C1QTNF9: variants seen among roughly 807,000 people sequenced by gnomAD.
C1QTNF9 encodes complement C1q and tumor necrosis factor-related protein 9A.
In C1QTNF9, 6 loss-of-function variants were observed where a neutral mutation model predicts 10.1. That is an observed-to-expected ratio of 0.59 (90% CI 0.32 to 1.17). C1QTNF9 has a LOEUF of 1.17. Ranked by LOEUF, C1QTNF9 falls within the 50% of genes most tolerant of loss-of-function variation. The pLI is 0.04. For synonymous variants in C1QTNF9, 98 were observed against 163.5 expected (o/e 0.60, Z 3.06); for missense variants, 201 against 418.8 (o/e 0.48, Z 4.54).
At chr13:24,311,882 A>C (rs561878799) in intron 1 of C1QTNF9, among the ~76,000 whole-genome samples, 31 of 152,242 alleles carry the variant, frequency 2.0e-4, no homozygotes, top group African/African-American at 7.5e-4. Flanking sequence ...ACCCCCCCAC[A>C]GGAAGCGGGA....
At chr13:24,313,034 G>A (rs1877895528) in intron 1 of C1QTNF9, among the ~76,000 whole-genome samples, 1 of 151,846 alleles carries the variant, frequency 6.6e-6, no homozygotes, top group South Asian at 2.1e-4. Flanking sequence ...TCAGAAGGCT[G>A]AGGCAGGAGG....
At chr13:24,314,522 A>G (rs1877955584) in intron 1 of C1QTNF9, among the ~76,000 whole-genome samples, 1 of 152,184 alleles carries the variant, frequency 6.6e-6, no homozygotes, top group Admixed American at 6.5e-5. Flanking sequence ...GTCTCTACTA[A>G]AAATACAAAA....
upstream of C1QTNF9, among the ~76,000 whole-genome samples, chr13:24,309,312 A>G (rs1465487600): frequency 2.3e-5 from 2 of 85,586 alleles, no homozygotes; most frequent in African/African-American, 5.0e-5. Context: ...TATATATGAA[A>G]GAAACCTGCC....
chr13:24,311,796 T>G (rs1032109953), intron 1 of C1QTNF9, among the ~76,000 whole-genome samples: 1 of 152,252 alleles, frequency 6.6e-6, no homozygotes, highest in Non-Finnish European at 1.5e-5. Flanking sequence ...TGGAGTCATC[T>G]GAGGCCAGGG....
At chr13:24,311,482 A>G (rs1340526343) in intron 1 of C1QTNF9, among the ~76,000 whole-genome samples, 2 of 152,222 alleles carry the variant, frequency 1.3e-5, no homozygotes, top group East Asian at 3.8e-4. Context: ...CATACATATG[A>G]TATCAATGTA....
exon 4 of C1QTNF9, chr13:24,322,049 A>G (rs982129579): frequency 4.4e-5 from 16 of 367,642 alleles, no homozygotes; most frequent in Middle Eastern, 7.8e-4. Flanking sequence ...AGAGTGTTTT[A>G]ATATCATTTT....
At chr13:24,316,295 C>A (rs1428554229) in intron 2 of C1QTNF9, 126 bp downstream of exon 2, 27 of 1,382,106 alleles carry the variant, frequency 2.0e-5, no homozygotes, top group Non-Finnish European at 2.7e-5. Flanking sequence ...ATACATCAAC[C>A]CAGCAACACT....
chr13:24,316,162 C>A (rs140529849), exon 2 of C1QTNF9: 1 of 1,599,068 alleles, frequency 6.3e-7, no homozygotes, highest in Non-Finnish European at 8.5e-7. Flanking sequence ...GTGACAAAGG[C>A]GATGCAGGTA....
chr13:24,316,515 G>T (rs1299030165), intron 2 of C1QTNF9, among the ~76,000 whole-genome samples: 1 of 152,192 alleles, frequency 6.6e-6, no homozygotes, highest in Non-Finnish European at 1.5e-5. Flanking sequence ...CAGGTGACAG[G>T]TATGATGGAT....
At chr13:24,317,712 GTTCA>G (rs1565956718) in intron 2 of C1QTNF9, among the ~76,000 whole-genome samples, 1 of 151,980 alleles carries the variant, frequency 6.6e-6, no homozygotes, top group South Asian at 2.1e-4. Flanking sequence ...TGGGGTCTGT[GTTCA>G]TGCTTTGTGA....
chr13:24,321,999 A>G (rs1344531561), exon 4 of C1QTNF9: 1 of 541,010 alleles, frequency 1.8e-6, no homozygotes, highest in African/African-American at 2.0e-5. Flanking sequence ...TCTTATTCCT[A>G]TTATCTGAAG....
rs111232315 is a variant in C1QTNF9 at position 24,321,790 on chromosome 13, G to C, written c.*22G>C. 2.1e-5 allele frequency: 32 copies of C among 1,529,668 alleles called. 1 individual carries two copies. In the Admixed American group the frequency reaches 5.8e-4, roughly 28 times the overall value. 94.8% of individuals were successfully genotyped at this position (1,529,668 alleles called of 1,614,324 possible). ...GTGACAGAGGAGAGTTTAAAAATCC[G>C]CCACACCATCCATCAGAATCAGCTT... On this transcript the variant is annotated 3_prime_UTR_variant, in exon 4 of 4. Coordinates refer to ENST00000332018, the Ensembl canonical transcript of C1QTNF9.
chr13:24,320,349 T>G (rs1379622197), intron 3 of C1QTNF9, among the ~76,000 whole-genome samples: 2 of 152,222 alleles, frequency 1.3e-5, no homozygotes, highest in Non-Finnish European at 2.9e-5. Context: ...TGTGTCCATG[T>G]GCACACACGT....
At chr13:24,307,446 C>T (rs1277222297), upstream of C1QTNF9, among the ~76,000 whole-genome samples, 1 of 152,254 alleles carries the variant, frequency 6.6e-6, no homozygotes, top group Non-Finnish European at 1.5e-5. Flanking sequence ...GCCCTGCTCA[C>T]TCGCCCTTTG....
chr13:24,312,760 T>C (rs567469925), intron 1 of C1QTNF9, among the ~76,000 whole-genome samples: 43 of 151,850 alleles, frequency 2.8e-4, no homozygotes, highest in Non-Finnish European at 5.2e-4. Flanking sequence ...ATCGAGACCA[T>C]CCTGGCTAAC....
chr13:24,318,792 T>C (rs1878140482), intron 2 of C1QTNF9, 26 bp from the exon 3 acceptor site: 1 of 1,614,008 alleles, frequency 6.2e-7, no homozygotes, highest in African/African-American at 1.3e-5. Context: ...TTTCAACTCA[T>C]GCCTGTTTTC....
intron 1 of C1QTNF9, among the ~76,000 whole-genome samples, chr13:24,311,576 G>A (rs749742919): frequency 1.3e-5 from 2 of 152,298 alleles, no homozygotes; most frequent in East Asian, 3.9e-4. Context: ...TGCCCAGTGA[G>A]TCCCCAGCAG....
upstream of C1QTNF9, among the ~76,000 whole-genome samples, chr13:24,307,663 G>A (rs1054499108): frequency 1.3e-5 from 2 of 152,222 alleles, no homozygotes; most frequent in African/African-American, 4.8e-5. Flanking sequence ...AAGGGCGGTC[G>A]CTAGGGTGGG....
exon 2 of C1QTNF9, chr13:24,316,090 A>G (rs4275724): frequency 2.5e-6 from 4 of 1,611,456 alleles, no homozygotes; most frequent in Non-Finnish European, 3.4e-6. Context: ...GGCACCCTGG[A>G]ATCCCTGGGA....
Sources: gnomAD v4.1 joint callset for allele counts (sites outside exome capture counted in the v4.1 genomes callset) on GRCh38, gnomAD v4.1.1 for gene constraint, MANE v1.5 for transcripts, NCBI Gene and HGNC (gene_info 2026-07-23, HGNC 2026-07-21) for gene names.